The following HNRNPM variants were observed in gnomAD, a reference collection of about 807,000 sequenced individuals.
HNRNPM encodes the protein CEA receptor.
A neutral mutation model predicts 73.1 loss-of-function variants in HNRNPM; 11 were observed. The observed-to-expected ratio is 0.15, with a 90% CI of 0.09 to 0.25. HNRNPM has a LOEUF of 0.25. Among genes scored for constraint, HNRNPM ranks in the 10% least tolerant of loss-of-function variants. The pLI, the probability that HNRNPM is intolerant of heterozygous loss-of-function variation, is 1.00. For synonymous variants in HNRNPM, 407 were observed against 355.2 expected (o/e 1.15, Z -1.64); for missense variants, 789 against 1,067.9 (o/e 0.74, Z 3.64).
chr19:8,483,610 A>G (rs185009973), intron 13 of HNRNPM, among the ~76,000 whole-genome samples: 2 of 152,346 alleles, frequency 1.3e-5, no homozygotes, highest in East Asian at 3.9e-4. Flanking sequence ...ACACCACCCA[A>G]CAAGTAATAA....
intron 2 of HNRNPM, among the ~76,000 whole-genome samples, chr19:8,456,727 AGCACTAG>A (rs1437722897): frequency 6.6e-6 from 1 of 152,210 alleles, no homozygotes; most frequent in Non-Finnish European, 1.5e-5. Context: ...ACATGCAAGA[AGCACTAG>A]GCACTGTGAA....
chr19:8,457,016 T>C (rs1273520537), intron 2 of HNRNPM, among the ~76,000 whole-genome samples: 2 of 152,218 alleles, frequency 1.3e-5, no homozygotes, highest in African/African-American at 4.8e-5. Context: ...GAATTAGCTT[T>C]TGGAATAACC....
At chr19:8,447,666 T>C (rs1474059747) in intron 1 of HNRNPM, among the ~76,000 whole-genome samples, 1 of 151,930 alleles carries the variant, frequency 6.6e-6, no homozygotes, top group Admixed American at 6.6e-5. Context: ...GAGAGGACTA[T>C]TTGAGCTCAG....
chr19:8,463,387 A>G, intron 3 of HNRNPM, 110 bp from the exon 4 acceptor site: 3 of 1,232,816 alleles, frequency 2.4e-6, no homozygotes, highest in Non-Finnish European at 2.4e-6. Flanking sequence ...TAACTTTGTG[A>G]CATAAATCAT....
intron 10 of HNRNPM, among the ~76,000 whole-genome samples, chr19:8,472,873 C>T (rs749902296): frequency 4.6e-5 from 7 of 152,188 alleles, no homozygotes; most frequent in Non-Finnish European, 7.3e-5. Context: ...TGAGTCACCA[C>T]GCCCACCCTT....
At chr19:8,451,790 C>T (rs1470855173) in intron 1 of HNRNPM, among the ~76,000 whole-genome samples, 1 of 152,114 alleles carries the variant, frequency 6.6e-6, no homozygotes, top group Admixed American at 6.6e-5. Context: ...CCTCAGCCTC[C>T]CAAACTGCTG....
intron 2 of HNRNPM, among the ~76,000 whole-genome samples, chr19:8,458,719 A>T (rs184579429): frequency 2.2e-4 from 34 of 152,392 alleles, no homozygotes; most frequent in Admixed American, 7.8e-4. Context: ...TCCTTCTGTT[A>T]GTATAATACA....
At chr19:8,483,410 GGTGTAATAGTACCTGCCTCAGGGATGCT>G (rs1454350760) in intron 13 of HNRNPM, among the ~76,000 whole-genome samples, 199 bp downstream of exon 13, 1 of 152,196 alleles carries the variant, frequency 6.6e-6, no homozygotes, top group Admixed American at 6.5e-5. Flanking sequence ...GTAAAATGGG[GGTGTAATAGTACCTGCCTCAGGGATGCT>G]GTGGAGAGTG....
intron 2 of HNRNPM, among the ~76,000 whole-genome samples, chr19:8,459,577 G>GT (rs1383662975): frequency 1.3e-5 from 2 of 151,864 alleles, no homozygotes; most frequent in African/African-American, 4.8e-5. Flanking sequence ...CCCAACTCCT[G>GT]TTAAAAAAAA....
In HNRNPM at chr19:8,465,463, T is replaced by C; in HGVS notation, c.578T>C (p.Ile193Thr). 8.1e-6 allele frequency: 13 copies of C among 1,613,794 alleles called. No homozygotes were observed. Among genetic ancestry groups the C allele is most frequent in the Non-Finnish European group, 1.1e-5 (13 of 1,179,790 alleles). ...ILNNPNIPNE[I>T]IHALQAGRLG... Reference sequence around the variant, plus strand: ...AATAATCCCAACATCCCAAATGAGATTATCCATGCATTACAGGCTGGAAGA... The same window carrying C: ...AATAATCCCAACATCCCAAATGAGACTATCCATGCATTACAGGCTGGAAGA... Residue 193 changes from isoleucine to threonine, a missense_variant, in exon 6 of 16, where the codon ATT (isoleucine) becomes ACT (threonine). Physicochemically the swap from Ile to Thr is moderately conservative, Grantham distance 89. Transcript: ENST00000325495.
intron 2 of HNRNPM, among the ~76,000 whole-genome samples, chr19:8,460,431 G>A (rs1422984494): frequency 6.6e-6 from 1 of 152,158 alleles, no homozygotes; most frequent in Non-Finnish European, 1.5e-5. Context: ...ACTCATGCTG[G>A]ACCCCCGGGT....
intron 13 of HNRNPM, among the ~76,000 whole-genome samples, chr19:8,485,237 C>T (rs536557528): frequency 4.6e-5 from 7 of 152,118 alleles, no homozygotes; most frequent in African/African-American, 1.7e-4. Flanking sequence ...GGTGTCCATG[C>T]CTCCCCCTGG....
intron 12 of HNRNPM, among the ~76,000 whole-genome samples, chr19:8,481,916 G>A (rs1415298349): frequency 2.0e-5 from 3 of 151,466 alleles, no homozygotes; most frequent in Non-Finnish European, 4.4e-5. Context: ...TGGGATATAA[G>A]AAGCAGCTGT....
At chr19:8,460,405 T>C (rs1969318816) in intron 2 of HNRNPM, among the ~76,000 whole-genome samples, 1 of 152,138 alleles carries the variant, frequency 6.6e-6, no homozygotes, top group African/African-American at 2.4e-5. Context: ...TTACTGATGA[T>C]CTCAGGGACA....
chr19:8,486,226 C>A lies in HNRNPM; in HGVS notation c.1798C>A (p.Leu600Met). 3 of 1,589,642 alleles carry A rather than the reference C, an allele frequency of 1.9e-6. No homozygotes were observed. Among genetic ancestry groups the A allele is most frequent in the Non-Finnish European group, 2.6e-6 (3 of 1,169,264 alleles). ...ERMGPAMGPA[L>M]GAGIERMGLA... Reference sequence around the variant, plus strand: ...CATGGGCCCTGCCATGGGCCCGGCCCTGGGCGCTGGCATTGAGCGCATGGG... The same window carrying A: ...CATGGGCCCTGCCATGGGCCCGGCCATGGGCGCTGGCATTGAGCGCATGGG... The change falls in exon 14 of 16, where the codon CTG (leucine) becomes ATG (methionine). Residue 600 changes from leucine to methionine, a missense_variant. Leu to Met is a conservative substitution (Grantham distance 15, BLOSUM62 2). Transcript: ENST00000325495.
At chr19:8,458,995 G>A (rs1210387815) in intron 2 of HNRNPM, among the ~76,000 whole-genome samples, 1 of 152,154 alleles carries the variant, frequency 6.6e-6, no homozygotes, top group Non-Finnish European at 1.5e-5. Flanking sequence ...GGAATGAAGT[G>A]GTGTGATCTG....
chr19:8,449,113 T>C (rs2145605943), intron 1 of HNRNPM, among the ~76,000 whole-genome samples: 1 of 152,358 alleles, frequency 6.6e-6, no homozygotes, highest in South Asian at 2.1e-4. Context: ...AAAGAGTGAT[T>C]GTTTATTCAA....
chr19:8,447,828 C>T lies in HNRNPM; in HGVS notation c.113+2717C>T, dbSNP rs180683745. On this transcript the variant is annotated intron_variant, in intron 1 of 15. Coordinates refer to ENST00000325495, the MANE Select transcript of HNRNPM (RefSeq NM_005968.5). ...GATCACGAGGTCAGGAGATAGAGACCATCCTGGCTAACACGGTGAAACCCC... is the reference window on the plus strand; with the variant it reads ...GATCACGAGGTCAGGAGATAGAGACTATCCTGGCTAACACGGTGAAACCCC... 1.2e-3 allele frequency among the ~76,000 whole-genome samples: 184 copies of T among 152,274 alleles called. 2 individuals carry two copies. Among genetic ancestry groups the T allele is most frequent in the Admixed American group, 0.01 (154 of 15,294 alleles).
At chr19:8,472,503 A>G (rs1048692603) in intron 10 of HNRNPM, among the ~76,000 whole-genome samples, 2 of 152,146 alleles carry the variant, frequency 1.3e-5, no homozygotes, top group African/African-American at 4.8e-5. Flanking sequence ...TGACATCTAA[A>G]CAGAAAGACT....
Sources: gnomAD v4.1 joint callset for allele counts (sites outside exome capture counted in the v4.1 genomes callset) on GRCh38, gnomAD v4.1.1 for gene constraint, MANE v1.5 for transcripts, NCBI Gene and HGNC (gene_info 2026-07-23, HGNC 2026-07-21) for gene names.